The following CPM variants were observed in gnomAD, a reference collection of about 807,000 sequenced individuals.
The protein encoded by CPM is renal carboxypeptidase.
In CPM, 35 loss-of-function variants were observed where a neutral mutation model predicts 46.4. That is an observed-to-expected ratio of 0.75 (90% CI 0.58 to 1.00). The LOEUF is 1.00. Among genes scored for constraint, CPM ranks in the 50% least tolerant of loss-of-function variants. The pLI is 0.00. For synonymous variants in CPM, 195 were observed against 195.3 expected, an observed-to-expected ratio of 1.00 and a Z score of 0.01; for missense variants, 422 against 530.4, an observed-to-expected ratio of 0.80 and a Z score of 2.01.
At chr12:68,885,989 T>C in intron 2 of CPM, 100 bp from the exon 3 acceptor site, 1 of 918,718 alleles carries the variant, frequency 1.1e-6, no homozygotes. Flanking sequence ...TTCCCCCACT[T>C]GATCGCCTGT....
At position 68,870,199 on chromosome 12, in the gene CPM, A is replaced by G. The variant is rs2291693; in HGVS notation, c.616+16T>C. ...TCTGGACTTAAGAAGCCAGAACTGG[A>G]CCCGCACCTGCTTACCTTGAACACC... is the stretch of plus-strand genomic sequence containing the variant. On this transcript the variant is annotated intron_variant, in intron 5 of 8. Transcript: ENST00000551568. 0.049 allele frequency: 79,153 copies of G among 1,608,454 alleles called. 5,859 individuals carry two copies. Among genetic ancestry groups the G allele is most frequent in the African/African-American group, 0.3 (22,154 of 74,702 alleles).
chr12:68,901,294 C>A (rs1422749089), intron 2 of CPM, among the ~76,000 whole-genome samples: 2 of 152,182 alleles, frequency 1.3e-5, no homozygotes, highest in Non-Finnish European at 2.9e-5. Context: ...CCCCCATGCA[C>A]CGGCTCCTGC....
chr12:68,885,869 C>T lies in CPM; in HGVS notation c.181G>A (p.Val61Ile), dbSNP rs1592661093. Residue 61 changes from valine (V) to isoleucine (I), a missense_variant, in exon 3 of 9, where the codon GTT becomes ATT. Transcript: ENST00000551568. ...TGTTCCTTTGGAAACCGCCCCACAA[C>T]AAGAACCCACAGGTTTCTACCTTTA... ...SVKGRNLWVLVVGRFPKEHRI... is the reference protein window; with the variant it reads ...SVKGRNLWVLIVGRFPKEHRI... The T allele has an allele frequency of 6.2e-7, 1 of 1,614,102 alleles. No individual in the cohort carries two copies. The highest frequency in any genetic ancestry group is 8.5e-7 in the Non-Finnish European group (1 of 1,179,972).
At chr12:68,902,938 T>C (rs60261816) in intron 2 of CPM, among the ~76,000 whole-genome samples, 25,673 of 152,104 alleles carry the variant, frequency 0.17, 2,874 homozygotes, top group African/African-American at 0.32. Context: ...CTCTCCCCAC[T>C]CTACAAAAGT....
chr12:68,917,797 G>A (rs958323976), intron 2 of CPM, among the ~76,000 whole-genome samples: 2 of 152,250 alleles, frequency 1.3e-5, no homozygotes, highest in African/African-American at 2.4e-5. Flanking sequence ...ATAGCTACAC[G>A]ACCAGCTCCC....
At chr12:68,917,755 C>T (rs1392083262) in intron 2 of CPM, among the ~76,000 whole-genome samples, 1 of 152,182 alleles carries the variant, frequency 6.6e-6, no homozygotes, top group Non-Finnish European at 1.5e-5. Flanking sequence ...CATCCTAGTA[C>T]CTAGTTTGGG....
chr12:68,901,994 A>G, intron 2 of CPM, among the ~76,000 whole-genome samples: 1 of 152,148 alleles, frequency 6.6e-6, no homozygotes, highest in African/African-American at 2.4e-5. Flanking sequence ...TACTTTACTT[A>G]ATATGCATCA....
intron 2 of CPM, among the ~76,000 whole-genome samples, chr12:68,900,920 C>T (rs1375765128): frequency 6.6e-6 from 1 of 152,166 alleles, no homozygotes; most frequent in Non-Finnish European, 1.5e-5. Flanking sequence ...GGCAGTGAAA[C>T]TCCTCTGTAT....
At chr12:68,932,934 C>T in intron 1 of CPM, 94 bp from the exon 2 acceptor site, 3 of 1,145,922 alleles carry the variant, frequency 2.6e-6, no homozygotes, top group Non-Finnish European at 2.5e-6. Flanking sequence ...CTCAGGGTCT[C>T]CCGACACTGA....
rs566386668 is a variant in CPM at position 68,862,338 on chromosome 12, G to A, written c.941-3267C>T. On this transcript the variant is annotated intron_variant, in intron 7 of 8. Coordinates refer to ENST00000551568, the MANE Select transcript of CPM (RefSeq NM_198320.5). Reference sequence around the variant, plus strand: ...CAACTTTCATCTCCCGGGTTCAAGCGATTCTCCTGCCTCAGCACCCCAAGT... The same window carrying A: ...CAACTTTCATCTCCCGGGTTCAAGCAATTCTCCTGCCTCAGCACCCCAAGT... Among the ~76,000 whole-genome samples the A allele has an allele frequency of 2.2e-5, 3 of 138,644 alleles. No individual in the cohort carries two copies. The South Asian group carries it at 6.8e-4, about 31-fold the overall frequency. 91.0% of individuals were successfully genotyped at this position (138,644 alleles called of 152,430 possible).
chr12:68,848,626 C>T (rs1476854710), downstream of CPM: 4 of 152,172 alleles, frequency 2.6e-5, no homozygotes, highest in Admixed American at 1.3e-4. Flanking sequence ...AAATTGCTCC[C>T]TACAAAAAAG....
chr12:68,943,201 A>G (rs1040790564), intron 1 of CPM, among the ~76,000 whole-genome samples: 3 of 152,224 alleles, frequency 2.0e-5, no homozygotes, highest in African/African-American at 4.8e-5. Context: ...TGCCCTGAGC[A>G]AGTCACTGCA....
At chr12:68,865,844 C>CT (rs1432027665) in intron 7 of CPM, among the ~76,000 whole-genome samples, 2 of 152,184 alleles carry the variant, frequency 1.3e-5, no homozygotes, top group Non-Finnish European at 2.9e-5. Context: ...CAGTGTGTTT[C>CT]TCTAGTGCAA....
intron 5 of CPM, chr12:68,844,340 G>A (rs1884078383): frequency 4.5e-6 from 1 of 223,744 alleles, no homozygotes; most frequent in Non-Finnish European, 8.9e-6. Context: ...AATATCACTG[G>A]GCAGCTTGAA....
chr12:68,901,042 C>T (rs1035429084), intron 2 of CPM, among the ~76,000 whole-genome samples: 6 of 152,122 alleles, frequency 3.9e-5, no homozygotes, highest in Non-Finnish European at 1.5e-5. Flanking sequence ...AGAGGCTATG[C>T]GCGTGTGGGG....
At chr12:68,876,697 G>C (rs1663578) in intron 3 of CPM, among the ~76,000 whole-genome samples, 2 of 152,042 alleles carry the variant, frequency 1.3e-5, no homozygotes, top group African/African-American at 4.8e-5. Context: ...TAAAATGGCA[G>C]TCACCCAGAA....
intron 3 of CPM, among the ~76,000 whole-genome samples, chr12:68,878,879 TC>T (rs1886071020): frequency 6.6e-6 from 1 of 152,088 alleles, no homozygotes; most frequent in Non-Finnish European, 1.5e-5. Context: ...ACCCCCCATC[TC>T]CCCAAAAAAG....
At chr12:68,880,044 T>G (rs1331723804) in intron 3 of CPM, among the ~76,000 whole-genome samples, 1 of 151,952 alleles carries the variant, frequency 6.6e-6, no homozygotes, top group Non-Finnish European at 1.5e-5. Context: ...TCTGAATATC[T>G]GTAGCATACA....
At chr12:68,893,862 G>A (rs1886757479) in intron 2 of CPM, among the ~76,000 whole-genome samples, 2 of 152,186 alleles carry the variant, frequency 1.3e-5, no homozygotes, top group South Asian at 2.1e-4. Flanking sequence ...GGGGTTCTGC[G>A]TGGATCTGGG....
Sources: gnomAD v4.1 joint callset for allele counts (sites outside exome capture counted in the v4.1 genomes callset) on GRCh38, gnomAD v4.1.1 for gene constraint, MANE v1.5 for transcripts, NCBI Gene and HGNC (gene_info 2026-07-23, HGNC 2026-07-21) for gene names.